Variants in PRSS23 observed in about 807,000 individuals in gnomAD.
PRSS23 encodes protease, serine 23.
A neutral mutation model predicts 34.7 loss-of-function variants in PRSS23; 25 were observed. The observed-to-expected ratio is 0.72, with a 90% CI of 0.53 to 1.01. The LOEUF (loss-of-function observed/expected upper bound fraction) is 1.01. PRSS23 is among the 50% of genes least tolerant of loss of function. PRSS23 has a pLI of 0.00. For synonymous variants in PRSS23, 176 were observed against 186.6 expected (o/e 0.94, Z 0.46); for missense variants, 445 against 475.6 (o/e 0.94, Z 0.60).
At chr11:86,804,195 T>G (rs1948073504) in intron 1 of PRSS23, among the ~76,000 whole-genome samples, 1 of 152,184 alleles carries the variant, frequency 6.6e-6, no homozygotes, top group Non-Finnish European at 1.5e-5. Context: ...AGCTTGTAGC[T>G]TTAATACAGA....
chr11:86,932,756 A>C (rs1037580049), intron 2 of PRSS23: 2 of 152,230 alleles, frequency 1.3e-5, no homozygotes, highest in Non-Finnish European at 2.9e-5. Context: ...AAGAGGAGAC[A>C]TCCCTGCACA....
intron 2 of PRSS23, chr11:86,933,971 A>G (rs1426071991): frequency 6.6e-6 from 1 of 152,244 alleles, no homozygotes; most frequent in Non-Finnish European, 1.5e-5. Context: ...TGAAAAGAAA[A>G]GCTGGAGACA....
At chr11:86,836,828 A>G (rs978154695) in intron 2 of PRSS23, 1 of 152,278 alleles carries the variant, frequency 6.6e-6, no homozygotes, top group Non-Finnish European at 1.5e-5. Flanking sequence ...GAGTTTGGAC[A>G]TATTTTGAGT....
intron 2 of PRSS23, among the ~76,000 whole-genome samples, chr11:86,931,870 AG>A (rs1255706117): frequency 1.3e-5 from 2 of 152,110 alleles, no homozygotes; most frequent in African/African-American, 4.8e-5. Context: ...GGAAGATAGG[AG>A]GCAACTGTAA....
chr11:86,851,576 C>G (rs994256703), intron 2 of PRSS23, among the ~76,000 whole-genome samples: 3 of 152,220 alleles, frequency 2.0e-5, no homozygotes, highest in Non-Finnish European at 4.4e-5. Flanking sequence ...CTGCCTGGTT[C>G]AAATGGGAAT....
At chr11:86,871,346 A>T (rs2134947427) in intron 2 of PRSS23, among the ~76,000 whole-genome samples, 1 of 152,026 alleles carries the variant, frequency 6.6e-6, no homozygotes, top group East Asian at 1.9e-4. Flanking sequence ...GCACTGTGTG[A>T]CCTCTGGAAT....
At position 86,841,395 on chromosome 11, in the gene PRSS23, G is replaced by A. The variant is rs967110680; in HGVS notation, c.206+17802G>A. Among the ~76,000 whole-genome samples, 163 of 149,304 alleles carry A rather than the reference G, an allele frequency of 1.1e-3. 1 individual carries two copies. Among genetic ancestry groups the A allele is most frequent in the African/African-American group, 3.9e-3 (161 of 40,784 alleles). On this transcript the variant is annotated intron_variant, in intron 2 of 2. Transcript: ENST00000533902. ...AAGAACAAGGACTAGGGAAGCCAGA[G>A]CAAAGAAACTCAAAAGCTAGCAGAA...
chr11:86,860,545 G>T (rs1319029582), intron 2 of PRSS23, among the ~76,000 whole-genome samples: 2 of 151,700 alleles, frequency 1.3e-5, no homozygotes, highest in African/African-American at 4.9e-5. Flanking sequence ...GTAATATCCA[G>T]GGAGGGAGAG....
intron 2 of PRSS23, among the ~76,000 whole-genome samples, chr11:86,871,645 G>A (rs1196126964): frequency 7.2e-5 from 11 of 152,240 alleles, no homozygotes; most frequent in South Asian, 4.2e-4. Context: ...CCTCACAATC[G>A]TGTGACTTCT....
Position 86,808,875 on chromosome 11 carries a change from C to A in PRSS23, c.*80C>A. 1.7e-6 allele frequency: 2 copies of A among 1,176,218 alleles called. No homozygotes were observed. Among genetic ancestry groups the A allele is most frequent in the Non-Finnish European group, 2.4e-6 (2 of 820,894 alleles). The allele number at this position is 1,176,218 out of a possible 1,614,324, so 72.9% of individuals were successfully genotyped here. A position where few individuals can be genotyped will look rare whatever the true frequency, so the allele number is the denominator to read the frequency against. On this transcript the variant is annotated 3_prime_UTR_variant, in exon 2 of 2. Transcript: ENST00000280258. ...AGGCCAAATTGTTTTTTGTCATTGGCGTGCACACGTGTGTGTGTGTGTGTG... is the reference window on the plus strand; with the variant it reads ...AGGCCAAATTGTTTTTTGTCATTGGAGTGCACACGTGTGTGTGTGTGTGTG...
chr11:86,838,441 A>G (rs1948423226), intron 2 of PRSS23, among the ~76,000 whole-genome samples: 1 of 152,174 alleles, frequency 6.6e-6, no homozygotes, highest in Non-Finnish European at 1.5e-5. Flanking sequence ...AGGCTTGAGT[A>G]GCTCACAGTG....
chr11:86,836,169 A>G (rs542615936), intron 2 of PRSS23, among the ~76,000 whole-genome samples: 121 of 152,302 alleles, frequency 7.9e-4, no homozygotes, highest in African/African-American at 2.8e-3. Context: ...CAAGGGCCTC[A>G]TTGATAATCC....
At chr11:86,937,652 G>A (rs1949173679) in intron 2 of PRSS23, 1 of 152,220 alleles carries the variant, frequency 6.6e-6, no homozygotes, top group Non-Finnish European at 1.5e-5. Flanking sequence ...CCATGGCAAT[G>A]TCAGGAAGTT....
At chr11:86,837,530 A>T (rs762507381) in intron 2 of PRSS23, 1 of 152,220 alleles carries the variant, frequency 6.6e-6, no homozygotes, top group Non-Finnish European at 1.5e-5. Context: ...GCACTTTGGG[A>T]GGCTGAGGTG....
chr11:86,839,468 A>G (rs542105257), intron 2 of PRSS23, among the ~76,000 whole-genome samples: 39 of 152,338 alleles, frequency 2.6e-4, no homozygotes, highest in African/African-American at 9.4e-4. Context: ...GACCAAATCT[A>G]TGTTTGATTG....
At chr11:86,804,528 G>T (rs536646121) in intron 1 of PRSS23, among the ~76,000 whole-genome samples, 1 of 152,168 alleles carries the variant, frequency 6.6e-6, no homozygotes, top group Admixed American at 6.5e-5. Context: ...GACTTATTAA[G>T]TCTCTGAAAA....
At chr11:86,939,491 A>G (rs527683499) in intron 2 of PRSS23, among the ~76,000 whole-genome samples, 10 of 147,936 alleles carry the variant, frequency 6.8e-5, no homozygotes, top group East Asian at 2.0e-4. Flanking sequence ...ACTAAAGATT[A>G]TAATTCCTCA....
At chr11:86,861,323 A>G (rs1948613210) in intron 2 of PRSS23, among the ~76,000 whole-genome samples, 1 of 150,690 alleles carries the variant, frequency 6.6e-6, no homozygotes, top group Non-Finnish European at 1.5e-5. Context: ...GAGGGGCATG[A>G]TATTACTCTC....
chr11:86,858,100 A>C (rs1414002759), intron 2 of PRSS23, among the ~76,000 whole-genome samples: 2 of 152,006 alleles, frequency 1.3e-5, no homozygotes, highest in Non-Finnish European at 2.9e-5. Context: ...TATTACTCCC[A>C]GTATCTCAGA....
Sources: allele counts gnomAD v4.1 joint callset (sites outside exome capture counted in the v4.1 genomes callset), GRCh38; gene constraint gnomAD v4.1.1; transcripts MANE v1.5; gene names NCBI Gene and HGNC (gene_info 2026-07-23, HGNC 2026-07-21).